R3HDM2: variants seen among roughly 807,000 people sequenced by gnomAD.
R3HDM2 encodes R3H domain containing 2, also known as R3H domain-containing protein 2.
In R3HDM2, 38 loss-of-function variants were observed where a neutral mutation model predicts 124.5. That is an observed-to-expected ratio of 0.31 (90% CI 0.24 to 0.40). The LOEUF is 0.40. Among genes scored for constraint, R3HDM2 ranks in the 10% least tolerant of loss-of-function variants. The probability of loss-of-function intolerance (pLI) is 1.00; values close to 1 mark genes in which losing one functional copy is unlikely to be tolerated. For synonymous variants in R3HDM2, 391 were observed against 448.0 expected, an observed-to-expected ratio of 0.87 and a Z score of 1.61; for missense variants, 869 against 1,236.9, an observed-to-expected ratio of 0.70 and a Z score of 4.46.
Position 57,267,241 on chromosome 12 carries a change from G to C in R3HDM2, c.2031-410C>G, listed in dbSNP as rs1418359492. ...AAAAAAAAAAAACACAAAAACTAAG[G>C]ATTGCTAATTATTTTTGGCCTAAAA... On this transcript the variant is annotated intron_variant, in intron 18 of 23. Transcript: ENST00000402412. 3.3e-5 allele frequency among the ~76,000 whole-genome samples: 5 copies of C among 152,008 alleles called. 1 individual carries two copies. Among genetic ancestry groups the C allele is most frequent in the Non-Finnish European group, 7.4e-5 (5 of 68,002 alleles).
chr12:57,280,857 T>C (rs1201368011), intron 13 of R3HDM2, among the ~76,000 whole-genome samples: 6 of 152,192 alleles, frequency 3.9e-5, no homozygotes, highest in Admixed American at 3.9e-4. Context: ...CAAACTTAGA[T>C]AGCTGAAAAT....
At chr12:57,256,559 A>C (rs376667055) in intron 21 of R3HDM2, 48 bp from the exon 22 acceptor site, 57 of 1,397,564 alleles carry the variant, frequency 4.1e-5, no homozygotes, top group Non-Finnish European at 5.4e-5. Flanking sequence ...GCTTCATAGT[A>C]TGACTTTTAT....
chr12:57,301,459 C>G (rs2051140531), intron 4 of R3HDM2, among the ~76,000 whole-genome samples: 1 of 152,206 alleles, frequency 6.6e-6, no homozygotes, highest in Admixed American at 6.5e-5. Context: ...AACATCATGC[C>G]TAATTCTGTC....
At chr12:57,315,348 T>C (rs2054798125) in intron 2 of R3HDM2, among the ~76,000 whole-genome samples, 1 of 152,146 alleles carries the variant, frequency 6.6e-6, no homozygotes, top group Non-Finnish European at 1.5e-5. Flanking sequence ...GCCTAATTTT[T>C]CTATTACTTT....
At chr12:57,314,420 G>A (rs1305472034) in intron 2 of R3HDM2, among the ~76,000 whole-genome samples, 2 of 152,042 alleles carry the variant, frequency 1.3e-5, no homozygotes, top group Non-Finnish European at 2.9e-5. Context: ...CAGAGGTTGC[G>A]GTGAGCCGAG....
chr12:57,338,727 A>C (rs754260062), intron 2 of R3HDM2, among the ~76,000 whole-genome samples: 23 of 152,094 alleles, frequency 1.5e-4, no homozygotes, highest in Non-Finnish European at 3.1e-4. Context: ...TCAATCTCGT[A>C]CATGGCTTGA....
At chr12:57,382,150 T>C (rs2064985128) in intron 2 of R3HDM2, among the ~76,000 whole-genome samples, 1 of 151,794 alleles carries the variant, frequency 6.6e-6, no homozygotes, top group Admixed American at 6.6e-5. Flanking sequence ...GCAGGGTCTC[T>C]ATTGTTCAGG....
Position 57,292,603 on chromosome 12 carries a change from T to C in R3HDM2, c.875A>G (p.Gln292Arg). Residue 292 changes from glutamine to arginine, a missense_variant, in exon 11 of 24, where the codon CAA becomes CGA. Gln to Arg is a conservative substitution (Grantham distance 43). This residue lies in a region of R3HDM2 where 267 missense variants were observed against 447.7 expected (regional missense o/e 0.60). Coordinates refer to ENST00000402412, the MANE Select transcript of R3HDM2 (RefSeq NM_001394031.1). ...KSIEEREEEY[Q>R]RVRERIFARE... The stretch of plus-strand genomic sequence containing the variant: ...GGCAAATATTCTCTCTCGGACCCTT[T>C]GATATTCCTCCTCTCTCTCTTCTAT... 1.3e-6 allele frequency: 2 copies of C among 1,550,236 alleles called. No homozygotes were observed. Among genetic ancestry groups the C allele is most frequent in the Non-Finnish European group, 8.7e-7 (1 of 1,146,774 alleles).
chr12:57,255,648 C>G (rs150437496), intron 23 of R3HDM2, among the ~76,000 whole-genome samples: 83 of 152,280 alleles, frequency 5.5e-4, no homozygotes, highest in African/African-American at 1.7e-3. Context: ...GTTTCTCCCC[C>G]ATATTCTCTA....
intron 13 of R3HDM2, 39 bp downstream of exon 13, chr12:57,283,785 A>C (rs2046723159): frequency 6.3e-7 from 1 of 1,583,744 alleles, no homozygotes. Flanking sequence ...ACAAGCAAGA[A>C]GGGATGGGTA....
chr12:57,263,365 G>A (rs2041379490), intron 19 of R3HDM2, among the ~76,000 whole-genome samples: 1 of 152,192 alleles, frequency 6.6e-6, no homozygotes, highest in African/African-American at 2.4e-5. Flanking sequence ...AAGGCCAAGT[G>A]CCCCTGGCAG....
chr12:57,426,236 AAATT>A (rs941149592), intron 1 of R3HDM2, among the ~76,000 whole-genome samples: 4 of 152,220 alleles, frequency 2.6e-5, no homozygotes, highest in East Asian at 1.9e-4. Context: ...TCAAAAAAAT[AAATT>A]AATTAATTAA....
intron 1 of R3HDM2, among the ~76,000 whole-genome samples, chr12:57,407,481 C>T (rs1594549178): frequency 6.6e-6 from 1 of 151,626 alleles, no homozygotes; most frequent in Non-Finnish European, 1.5e-5. Context: ...TCTCAGCTCA[C>T]TGCAACCTCC....
intron 2 of R3HDM2, among the ~76,000 whole-genome samples, chr12:57,316,115 A>G (rs1435413800): frequency 6.6e-6 from 1 of 152,224 alleles, no homozygotes; most frequent in Non-Finnish European, 1.5e-5. Flanking sequence ...TTAGTCAGTC[A>G]TTCTACTGAG....
chr12:57,341,833 C>T (rs976798344), intron 2 of R3HDM2, among the ~76,000 whole-genome samples: 1 of 152,130 alleles, frequency 6.6e-6, no homozygotes, highest in Admixed American at 6.5e-5. Context: ...CAATGTGCGT[C>T]AACAGCATCA....
intron 2 of R3HDM2, among the ~76,000 whole-genome samples, chr12:57,357,012 A>T (rs909945540): frequency 4.6e-5 from 7 of 152,060 alleles, no homozygotes; most frequent in Non-Finnish European, 1.0e-4. Context: ...CTGAGGCAGG[A>T]GAATGGCGTG....
chr12:57,264,124 C>A (rs1312027693), intron 19 of R3HDM2, among the ~76,000 whole-genome samples: 1 of 151,812 alleles, frequency 6.6e-6, no homozygotes, highest in Non-Finnish European at 1.5e-5. Flanking sequence ...TGCCTGTAAT[C>A]CCAGCTACTT....
intron 2 of R3HDM2, among the ~76,000 whole-genome samples, chr12:57,382,813 G>A (rs1183241614): frequency 6.6e-6 from 1 of 151,666 alleles, no homozygotes; most frequent in Non-Finnish European, 1.5e-5. Flanking sequence ...TCCAGCCTGG[G>A]CGACAGAGAG....
At chr12:57,343,851 G>T (rs975674913) in intron 2 of R3HDM2, among the ~76,000 whole-genome samples, 2 of 151,562 alleles carry the variant, frequency 1.3e-5, no homozygotes, top group Non-Finnish European at 1.5e-5. Flanking sequence ...TGATCCCGCA[G>T]GGCCAAATCG....
Sources: gnomAD v4.1 joint callset for allele counts (sites outside exome capture counted in the v4.1 genomes callset) on GRCh38, gnomAD v4.1.1 for gene constraint, gnomAD v4.1.1 regional missense constraint, MANE v1.5 for transcripts, NCBI Gene and HGNC (gene_info 2026-07-23, HGNC 2026-07-21) for gene names.